RPTOR: variants seen among roughly 807,000 people sequenced by gnomAD.
The protein encoded by RPTOR is regulatory-associated protein of mTOR.
RPTOR carries 21 observed loss-of-function variants against 169.9 expected under a neutral mutation model. The ratio of observed to expected loss-of-function variants is 0.12; its 90% CI spans 0.09 to 0.18. The LOEUF (loss-of-function observed/expected upper bound fraction) is 0.18. Among genes scored for constraint, RPTOR ranks in the 10% least tolerant of loss-of-function variants. RPTOR has a pLI of 1.00. For missense variants in RPTOR, 1,133 were observed against 1,855.9 expected (o/e 0.61, Z 7.16); for synonymous variants, 732 against 753.2 (o/e 0.97, Z 0.46).
chr17:80,872,965 G>T (rs1479795686), intron 13 of RPTOR, among the ~76,000 whole-genome samples: 1 of 152,240 alleles, frequency 6.6e-6, no homozygotes, highest in Admixed American at 6.5e-5. Flanking sequence ...AGCCTGGTCA[G>T]CCTAGAGCGG....
At chr17:80,724,262 C>T (rs764982107) in intron 4 of RPTOR, among the ~76,000 whole-genome samples, 1 of 151,094 alleles carries the variant, frequency 6.6e-6, no homozygotes, top group Non-Finnish European at 1.5e-5. Context: ...AAGTGAGAAG[C>T]CAGGCCATGT....
intron 24 of RPTOR, among the ~76,000 whole-genome samples, chr17:80,938,968 G>T (rs2068989222): frequency 6.6e-6 from 1 of 152,218 alleles, no homozygotes; most frequent in Non-Finnish European, 1.5e-5. Context: ...ACATTTACGT[G>T]CAAGGACGCA....
chr17:80,889,505 G>C (rs1372421289), intron 17 of RPTOR, among the ~76,000 whole-genome samples: 1 of 152,206 alleles, frequency 6.6e-6, no homozygotes, highest in Non-Finnish European at 1.5e-5. Context: ...CTCCCCGTCT[G>C]TGTGCTGCTG....
chr17:80,622,406 A>C (rs577441879), intron 1 of RPTOR, among the ~76,000 whole-genome samples: 2 of 152,326 alleles, frequency 1.3e-5, no homozygotes, highest in South Asian at 4.1e-4. Flanking sequence ...GGGATTATGG[A>C]TACTGATCAC....
chr17:80,858,176 T>C (rs2067876266), intron 13 of RPTOR: 2 of 468,948 alleles, frequency 4.3e-6, no homozygotes. Flanking sequence ...CTTCCCCTGG[T>C]GCCCTGCACT....
In RPTOR at chr17:80,957,533, T is replaced by C. The variant is rs2144088819; in HGVS notation, c.3371-91T>C. 2 of 1,197,858 alleles carry C rather than the reference T, an allele frequency of 1.7e-6. No homozygotes were observed. The highest frequency in any genetic ancestry group is 2.5e-6 in the Non-Finnish European group (2 of 804,826). The allele number at this position is 1,197,858 out of a possible 1,614,324, so 74.2% of individuals were successfully genotyped here. A position where few individuals can be genotyped will look rare whatever the true frequency, so the allele number is the denominator to read the frequency against. Reference sequence around the variant, plus strand: ...GATGGTGGCAGGGGTACCTTGTAGCTGCTGGCCAAATTGCTGCCCAGAGCA... The same window carrying C: ...GATGGTGGCAGGGGTACCTTGTAGCCGCTGGCCAAATTGCTGCCCAGAGCA... On this transcript the variant is annotated intron_variant, in intron 28 of 33. Transcript: ENST00000306801. The surrounding 1 kb of genome is among the most constrained non-coding windows in gnomAD (Gnocchi z 4.6).
At chr17:80,615,091 T>G (rs543036431) in intron 1 of RPTOR, among the ~76,000 whole-genome samples, 1 of 152,166 alleles carries the variant, frequency 6.6e-6, no homozygotes, top group East Asian at 1.9e-4. Flanking sequence ...TCGGAGAAAA[T>G]ATCTGAGTCT....
intron 28 of RPTOR, among the ~76,000 whole-genome samples, chr17:80,954,342 G>A (rs965272332): frequency 1.1e-4 from 17 of 152,066 alleles, no homozygotes; most frequent in South Asian, 6.2e-4. Context: ...GGCTGGTCTC[G>A]AACTCCTGAC....
At chr17:80,862,557 G>T (rs1052714641) in intron 13 of RPTOR, among the ~76,000 whole-genome samples, 2 of 149,974 alleles carry the variant, frequency 1.3e-5, no homozygotes, top group African/African-American at 5.0e-5. Context: ...CGCCCACCAT[G>T]ATGTCTGCTC....
chr17:80,682,799 T>G (rs934155269), intron 3 of RPTOR, among the ~76,000 whole-genome samples: 2 of 152,022 alleles, frequency 1.3e-5, no homozygotes, highest in Admixed American at 1.3e-4. Context: ...TTCCTTTTTT[T>G]TTCTTAAAAA....
intron 1 of RPTOR, among the ~76,000 whole-genome samples, chr17:80,557,911 G>C (rs2084431395): frequency 6.6e-6 from 1 of 152,186 alleles, no homozygotes; most frequent in Non-Finnish European, 1.5e-5. Context: ...GGGCGACAGA[G>C]CGAGACTCCG....
intron 6 of RPTOR, among the ~76,000 whole-genome samples, chr17:80,757,088 G>A (rs2066688114): frequency 6.6e-6 from 1 of 152,140 alleles, no homozygotes; most frequent in Non-Finnish European, 1.5e-5. Flanking sequence ...ATGGGAAAGG[G>A]TCGAGATGGG....
chr17:80,881,938 A>G (rs1395406882), intron 14 of RPTOR, among the ~76,000 whole-genome samples: 1 of 152,262 alleles, frequency 6.6e-6, no homozygotes, highest in Non-Finnish European at 1.5e-5. Context: ...GCCTGTTATG[A>G]GAAAACATTC....
In RPTOR at chr17:80,878,255, C is replaced by G. The variant is rs548372499; in HGVS notation, c.1510-2160C>G. On this transcript the variant is annotated intron_variant, in intron 13 of 33. Transcript: ENST00000306801. The surrounding 1 kb of genome is among the most constrained non-coding windows in gnomAD (Gnocchi z 4.1). Reference sequence around the variant, plus strand: ...AAACCCATGCTCTGTGGGTCCCTCTCCAAGAAACACAGCATCCATGATTTG... The same window carrying G: ...AAACCCATGCTCTGTGGGTCCCTCTGCAAGAAACACAGCATCCATGATTTG... Among the ~76,000 whole-genome samples the G allele has an allele frequency of 2.0e-5, 3 of 152,344 alleles. No individual in the cohort carries two copies. The highest frequency in any genetic ancestry group is 3.9e-4 in the East Asian group (2 of 5,176).
chr17:80,951,760 G>T (rs896093351), intron 28 of RPTOR, among the ~76,000 whole-genome samples: 10 of 152,196 alleles, frequency 6.6e-5, no homozygotes, highest in Admixed American at 2.0e-4. Context: ...AGGGACAGCT[G>T]CCCAGAGCCT....
At chr17:80,613,636 A>G (rs539105455) in intron 1 of RPTOR, among the ~76,000 whole-genome samples, 1 of 149,740 alleles carries the variant, frequency 6.7e-6, no homozygotes, top group Non-Finnish European at 1.5e-5. Context: ...CTATGGTTGA[A>G]TGAAGTGGTG....
chr17:80,625,596 G>T, intron 1 of RPTOR, 95 bp from the exon 2 acceptor site: 1 of 953,862 alleles, frequency 1.0e-6, no homozygotes, highest in South Asian at 1.5e-5. Context: ...TAGGGAAGGG[G>T]CTCAATGTTC....
In RPTOR at chr17:80,957,269, C is replaced by T. The variant is rs1476123982; in HGVS notation, c.3371-355C>T. 8.5e-5 allele frequency among the ~76,000 whole-genome samples: 6 copies of T among 70,844 alleles called. No homozygotes were observed. Among genetic ancestry groups the T allele is most frequent in the Admixed American group, 1.6e-4 (1 of 6,160 alleles). The allele number at this position is 70,844 out of a possible 152,430, so 46.5% of individuals were successfully genotyped here. ...TGGACTTGGGAGTTCCAGCTTAGAA[C>T]TGTCACCCCGGCCTGGACTTGGGAG... is the stretch of plus-strand genomic sequence containing the variant. On this transcript the variant is annotated intron_variant, in intron 28 of 33. Transcript: ENST00000306801. This position sits in a 1 kb window ranked among gnomAD's most constrained non-coding sequence, Gnocchi z 4.6.
At chr17:80,954,815 G>A (rs1274983296) in intron 28 of RPTOR, among the ~76,000 whole-genome samples, 2 of 152,150 alleles carry the variant, frequency 1.3e-5, no homozygotes, top group Admixed American at 1.3e-4. Context: ...TACTCAGGAG[G>A]CTGAGGCAGG....
Sources: allele counts gnomAD v4.1 joint callset (sites outside exome capture counted in the v4.1 genomes callset), GRCh38; gene constraint gnomAD v4.1.1; non-coding constraint Gnocchi (gnomAD v3.1); transcripts MANE v1.5; gene names NCBI Gene and HGNC (gene_info 2026-07-23, HGNC 2026-07-21).